RFX7: variants seen among roughly 807,000 people sequenced by gnomAD.
RFX7 encodes the protein regulatory factor X7.
RFX7 carries 26 observed loss-of-function variants against 111.8 expected under a neutral mutation model. The ratio of observed to expected loss-of-function variants is 0.23; its 90% CI spans 0.17 to 0.32. RFX7 has a LOEUF of 0.32. Among genes scored for constraint, RFX7 ranks in the 10% least tolerant of loss-of-function variants. RFX7 has a pLI of 1.00. For missense variants in RFX7, 1,573 were observed against 1,772.9 expected (o/e 0.89, Z 2.02); for synonymous variants, 624 against 624.4 (o/e 1.00, Z 0.01).
intron 2 of RFX7, among the ~76,000 whole-genome samples, chr15:56,202,043 A>G (rs1301936724): frequency 2.0e-5 from 3 of 152,016 alleles, no homozygotes; most frequent in Non-Finnish European, 4.4e-5. Context: ...AAAACAAAAC[A>G]AAACAAAACA....
intron 5 of RFX7, among the ~76,000 whole-genome samples, chr15:56,141,771 G>T (rs2042403047): frequency 6.7e-6 from 1 of 149,656 alleles, no homozygotes; most frequent in Admixed American, 6.7e-5. Flanking sequence ...TCAATGGATT[G>T]TTGTAGACTG....
intron 5 of RFX7, among the ~76,000 whole-genome samples, 187 bp from the exon 6 acceptor site, chr15:56,103,857 A>G (rs1470153310): frequency 6.6e-6 from 1 of 152,202 alleles, no homozygotes; most frequent in Non-Finnish European, 1.5e-5. Flanking sequence ...GCTGGCTTCA[A>G]CCTCAGGGTA....
Position 56,096,058 on chromosome 15 carries a change from TCA to T in RFX7, c.1668_1669del (p.Asp557Ter). The T allele has an allele frequency of 6.2e-7, 1 of 1,613,520 alleles. No homozygotes were observed. Among genetic ancestry groups the T allele is most frequent in the Non-Finnish European group, 8.5e-7 (1 of 1,179,700 alleles). On this transcript the variant is annotated frameshift_variant, in exon 10 of 10. Coordinates refer to ENST00000559447, the MANE Select transcript of RFX7 (RefSeq NM_022841.7). LOFTEE classifies it high-confidence loss of function. ...AGGTGTCTGGGGAGCTTTAGCCTCA[TCA>T]GAGTTCTCTTGGCACTGTACAGGAT...
intron 2 of RFX7, among the ~76,000 whole-genome samples, chr15:56,237,136 C>T (rs1307137981): frequency 1.3e-5 from 2 of 152,110 alleles, no homozygotes; most frequent in Non-Finnish European, 2.9e-5. Flanking sequence ...GATTTAGTAA[C>T]AGTGTTAGAA....
At position 56,167,682 on chromosome 15, in the gene RFX7, C is replaced by G. The variant is rs1321716044; in HGVS notation, c.195+11588G>C. 3.3e-5 allele frequency among the ~76,000 whole-genome samples: 5 copies of G among 152,334 alleles called. No homozygotes were observed. The South Asian group carries it at 1.0e-3, about 32-fold the overall frequency. ...AAATCTATTCATATTTATGCTACTACAAATATTTTCATTTGTCTTTACCAA... is the reference window on the plus strand; with the variant it reads ...AAATCTATTCATATTTATGCTACTAGAAATATTTTCATTTGTCTTTACCAA... On this transcript the variant is annotated intron_variant, in intron 3 of 9. Transcript: ENST00000559447.
intron 2 of RFX7, among the ~76,000 whole-genome samples, chr15:56,194,848 A>G (rs1435556262): frequency 6.6e-6 from 1 of 152,090 alleles, no homozygotes; most frequent in Non-Finnish European, 1.5e-5. Flanking sequence ...CTCTTGAAAA[A>G]CTTGACATAT....
chr15:56,207,674 C>A (rs1419760477), intron 2 of RFX7, among the ~76,000 whole-genome samples: 1 of 152,132 alleles, frequency 6.6e-6, no homozygotes, highest in East Asian at 1.9e-4. Context: ...TGGACTTGTG[C>A]TCTACAAAAG....
At chr15:56,232,018 C>T (rs571157457) in intron 2 of RFX7, among the ~76,000 whole-genome samples, 5 of 152,342 alleles carry the variant, frequency 3.3e-5, no homozygotes, top group Admixed American at 2.0e-4. Context: ...TGAGCGGCTC[C>T]GCCCCTGTGG....
Position 56,094,354 on chromosome 15 carries a change from G to T in RFX7, c.3374C>A (p.Ser1125Tyr), listed in dbSNP as rs1391006288. The T allele has an allele frequency of 1.2e-6, 2 of 1,613,866 alleles. No individual in the cohort carries two copies. Among genetic ancestry groups the T allele is most frequent in the Admixed American group, 1.7e-5 (1 of 59,990 alleles). Reference protein sequence around the residue: ...DTHFGRLTPVSPVQHQGATVN... With the variant: ...DTHFGRLTPVYPVQHQGATVN... ...AGTGGCACCTTGATGCTGCACAGGA[G>T]AGACAGGAGTCAAACGACCAAAATG... The change falls in exon 10 of 10, where the codon TCT (serine) becomes TAT (tyrosine). Residue 1125 changes from serine to tyrosine, a missense_variant. Ser to Tyr is a moderately radical substitution (Grantham distance 144, BLOSUM62 -2). Transcript: ENST00000559447.
At chr15:56,148,710 T>C (rs540430839) in intron 3 of RFX7, among the ~76,000 whole-genome samples, 1 of 152,206 alleles carries the variant, frequency 6.6e-6, no homozygotes, top group Non-Finnish European at 1.5e-5. Flanking sequence ...TCAGTCCACT[T>C]TGCAGTTAGC....
intron 2 of RFX7, 60 bp downstream of exon 2, chr15:56,243,065 C>CCCCAAAT: frequency 8.7e-7 from 1 of 1,152,184 alleles, no homozygotes; most frequent in Non-Finnish European, 1.2e-6. Flanking sequence ...CGCCCCCCAC[C>CCCCAAAT]CACTTTGCAG....
Position 56,092,348 on chromosome 15 carries a change from T to C in RFX7, c.*997A>G, listed in dbSNP as rs527985145. ...CTATGATCAAACTACATTACTATAT[T>C]CAGGAGGAGTGAGGGAGTCAGTCAC... On this transcript the variant is annotated 3_prime_UTR_variant, in exon 10 of 10. Transcript: ENST00000559447. The C allele has an allele frequency of 7.8e-4, 119 of 152,584 alleles. No homozygotes were observed. Among genetic ancestry groups the C allele is most frequent in the Non-Finnish European group, 1.4e-3 (94 of 67,938 alleles). The allele number at this position is 152,584 out of a possible 1,614,324, so 9.5% of individuals were successfully genotyped here.
intron 5 of RFX7, among the ~76,000 whole-genome samples, chr15:56,120,848 A>G (rs1198887777): frequency 6.6e-6 from 1 of 152,226 alleles, no homozygotes; most frequent in Non-Finnish European, 1.5e-5. Flanking sequence ...TGGATTGCAT[A>G]AACAAACAAG....
At chr15:56,103,841 T>G (rs532216377) in intron 5 of RFX7, among the ~76,000 whole-genome samples, 171 bp from the exon 6 acceptor site, 1 of 152,350 alleles carries the variant, frequency 6.6e-6, no homozygotes, top group South Asian at 2.1e-4. Flanking sequence ...AACTCAGGTT[T>G]AGTTAGCTGG....
At chr15:56,196,773 G>T (rs549164372) in intron 2 of RFX7, among the ~76,000 whole-genome samples, 1 of 152,100 alleles carries the variant, frequency 6.6e-6, no homozygotes, top group South Asian at 2.1e-4. Flanking sequence ...TAATATGCAC[G>T]GTATTCCATT....
chr15:56,244,425 A>G (rs1386447329), upstream of RFX7: 1 of 152,256 alleles, frequency 6.6e-6, no homozygotes, highest in African/African-American at 2.4e-5. Context: ...AAGCCCTCCA[A>G]ATCTGGCCCC....
intron 2 of RFX7, among the ~76,000 whole-genome samples, chr15:56,206,360 C>A (rs1367344081): frequency 4.6e-5 from 7 of 151,990 alleles, no homozygotes; most frequent in African/African-American, 1.7e-4. Context: ...CAAATGCTGG[C>A]AAGGATGGGG....
At chr15:56,161,634 A>G (rs1196445768) in intron 3 of RFX7, among the ~76,000 whole-genome samples, 1 of 152,068 alleles carries the variant, frequency 6.6e-6, no homozygotes, top group African/African-American at 2.4e-5. Flanking sequence ...AAACACAACT[A>G]CAATGAATTT....
intron 5 of RFX7, 47 bp downstream of exon 5, chr15:56,142,729 ATT>A (rs747689247): frequency 6.4e-7 from 1 of 1,551,224 alleles, no homozygotes; most frequent in African/African-American, 1.4e-5. Flanking sequence ...CAAGTATAGT[ATT>A]TTACCTCTTT....
Sources: gnomAD v4.1 joint callset for allele counts (sites outside exome capture counted in the v4.1 genomes callset) on GRCh38, gnomAD v4.1.1 for gene constraint, MANE v1.5 for transcripts, NCBI Gene and HGNC (gene_info 2026-07-23, HGNC 2026-07-21) for gene names.